The following SEMA5A variants were observed in gnomAD, a reference collection of about 807,000 sequenced individuals.
SEMA5A encodes semaphorin-5A.
Under a neutral mutation model 135.5 loss-of-function variants are expected in SEMA5A, and 55 were observed. The observed-to-expected ratio is 0.41, with a 90% CI of 0.33 to 0.51. The LOEUF is 0.51. Among genes scored for constraint, SEMA5A ranks in the 20% least tolerant of loss-of-function variants. SEMA5A has a pLI of 0.37. For missense variants in SEMA5A, 1,290 were observed against 1,419.9 expected (o/e 0.91, Z 1.47); for synonymous variants, 580 against 546.5 (o/e 1.06, Z -0.85).
chr5:9,274,151 C>A (rs1230913482), intron 5 of SEMA5A, among the ~76,000 whole-genome samples: 1 of 152,020 alleles, frequency 6.6e-6, no homozygotes, highest in African/African-American at 2.4e-5. Context: ...GAAAATTTAC[C>A]AAGCAAATGG....
chr5:9,395,044 C>A (rs546611240), intron 2 of SEMA5A, among the ~76,000 whole-genome samples: 157 of 152,008 alleles, frequency 1.0e-3, no homozygotes, highest in African/African-American at 3.4e-3. Context: ...AAATATAATT[C>A]TATATTAAAT....
At chr5:9,288,596 A>G (rs571939994) in intron 5 of SEMA5A, among the ~76,000 whole-genome samples, 1 of 152,360 alleles carries the variant, frequency 6.6e-6, no homozygotes, top group South Asian at 2.1e-4. Context: ...ATAAAACAGG[A>G]GAAAATAAAT....
At chr5:9,153,853 C>T (rs2150258389) in intron 12 of SEMA5A, among the ~76,000 whole-genome samples, 1 of 151,474 alleles carries the variant, frequency 6.6e-6, no homozygotes, top group Admixed American at 6.6e-5. Context: ...CAAGACCAGC[C>T]TGGCCAACAT....
chr5:9,109,028 ATTTTTTTTTTTTTT>A (rs67762219), intron 15 of SEMA5A, among the ~76,000 whole-genome samples: 1 of 92,438 alleles, frequency 1.1e-5, no homozygotes, highest in Non-Finnish European at 2.0e-5. Context: ...TTTCTCTTCA[ATTTTTTTTTTTTTT>A]TTTTTTTTTT....
intron 1 of SEMA5A, among the ~76,000 whole-genome samples, chr5:9,503,229 C>G (rs1175989135): frequency 6.6e-6 from 1 of 152,170 alleles, no homozygotes; most frequent in African/African-American, 2.4e-5. Flanking sequence ...TCTTCACCCC[C>G]CAGGAGGAAG....
chr5:9,481,882 G>GCA (rs1303347386), intron 1 of SEMA5A, among the ~76,000 whole-genome samples: 2 of 152,090 alleles, frequency 1.3e-5, no homozygotes, highest in African/African-American at 4.8e-5. Flanking sequence ...GATTTCTTAT[G>GCA]CACACACACA....
rs557983928 is a variant in SEMA5A, at chr5:9,074,097, A to T, written c.2074-7451T>A. ...GACATACTTTCTAACTTCAGGATTC[A>T]TTATAAAGGTACAATAATCAAGATT... On this transcript the variant is annotated intron_variant, in intron 16 of 22. Transcript: ENST00000382496. Among the ~76,000 whole-genome samples, 12 of 152,296 alleles carry T rather than the reference A, an allele frequency of 7.9e-5. No homozygotes were observed. In the South Asian group the frequency reaches 2.5e-3, roughly 32 times the overall value.
At chr5:9,231,180 G>A (rs771640344) in intron 6 of SEMA5A, among the ~76,000 whole-genome samples, 5 of 152,094 alleles carry the variant, frequency 3.3e-5, no homozygotes, top group Non-Finnish European at 5.9e-5. Context: ...AAAAGGAAAT[G>A]AGTGGCTGGG....
At chr5:9,517,424 A>C (rs953484156) in intron 1 of SEMA5A, 2 of 152,216 alleles carry the variant, frequency 1.3e-5, no homozygotes, top group Non-Finnish European at 2.9e-5. Flanking sequence ...TGGAAACAGA[A>C]ATGCAGACTC....
At chr5:9,129,331 T>C (rs542323175) in intron 13 of SEMA5A, among the ~76,000 whole-genome samples, 3 of 152,388 alleles carry the variant, frequency 2.0e-5, no homozygotes, top group South Asian at 2.1e-4. Context: ...TTTCTGGCCA[T>C]GGCCGGAGTA....
At chr5:9,407,703 C>A (rs182727425) in intron 2 of SEMA5A, among the ~76,000 whole-genome samples, 3 of 152,262 alleles carry the variant, frequency 2.0e-5, no homozygotes, top group Admixed American at 6.5e-5. Flanking sequence ...TTCCTCAGTC[C>A]CCAGCTACCC....
chr5:9,210,446 T>C (rs182906387), intron 8 of SEMA5A, among the ~76,000 whole-genome samples: 1 of 152,214 alleles, frequency 6.6e-6, no homozygotes, highest in South Asian at 2.1e-4. Flanking sequence ...ACAGCCCCAG[T>C]TTATTGCACC....
rs1488219561 is a variant in SEMA5A, at chr5:9,288,511, AG to A, written c.270+29860del. Among the ~76,000 whole-genome samples the A allele has an allele frequency of 4.6e-5, 7 of 152,312 alleles. No homozygotes were observed. The South Asian group carries it at 1.2e-3, about 27-fold the overall frequency. ...ATGACAGCAGTCATAGAAGCTTCCC[AG>A]TACAGAGGCAGAAACAGACGCTGGG... is the stretch of plus-strand genomic sequence containing the variant. On this transcript the variant is annotated intron_variant, in intron 5 of 22. Transcript: ENST00000382496.
At position 9,062,930 on chromosome 5, in the gene SEMA5A, G is replaced by T. The variant is rs748107036; in HGVS notation, c.2475C>A (p.Gly825=). 2 of 1,614,218 alleles carry T rather than the reference G, an allele frequency of 1.2e-6. No individual in the cohort carries two copies. Among genetic ancestry groups the T allele is most frequent in the South Asian group, 2.2e-5 (2 of 91,090 alleles). The change falls in exon 18 of 23, where the codon GGC becomes GGA. Residue 825 remains glycine (G), a synonymous_variant. Coordinates refer to ENST00000382496, the MANE Select transcript of SEMA5A (RefSeq NM_003966.3). ...TGCATTCCTGGTATTCCAGAGATGG[G>T]CCAAGGCAAGGCATTCCCCCATACT... ...EPKYGGMPCL[G]PSLEYQECNI...
At chr5:9,207,045 C>A (rs1389006070) in intron 8 of SEMA5A, among the ~76,000 whole-genome samples, 1 of 137,288 alleles carries the variant, frequency 7.3e-6, no homozygotes, top group African/African-American at 2.7e-5. Flanking sequence ...CTCTCAATGT[C>A]CCTTGGAATA....
intron 5 of SEMA5A, among the ~76,000 whole-genome samples, chr5:9,311,231 C>T (rs1752116984): frequency 6.6e-6 from 1 of 151,988 alleles, no homozygotes; most frequent in South Asian, 2.1e-4. Flanking sequence ...GCTTCCCCCA[C>T]CAGTTGTGAC....
At position 9,319,830 on chromosome 5, in the gene SEMA5A, C is replaced by T. The variant is rs193215575; in HGVS notation, c.225-1413G>A. On this transcript the variant is annotated intron_variant, in intron 4 of 22. Transcript: ENST00000382496. ...TGTTGACTATTTTCACTATCGTGGG[C>T]GGGGGGTGGGGGTAGGTATATAAAC... Among the ~76,000 whole-genome samples the T allele has an allele frequency of 1.1e-3, 118 of 106,166 alleles. No homozygotes were observed. The East Asian group carries it at 0.022, about 20-fold the overall frequency. The allele number at this position is 106,166 out of a possible 152,430, so 69.6% of individuals were successfully genotyped here. A position where few individuals can be genotyped will look rare whatever the true frequency, so the allele number is the denominator to read the frequency against.
At chr5:9,090,858 A>C (rs554464224) in intron 16 of SEMA5A, among the ~76,000 whole-genome samples, 1 of 152,174 alleles carries the variant, frequency 6.6e-6, no homozygotes, top group East Asian at 1.9e-4. Flanking sequence ...CTTTACCCTA[A>C]GATAGTTACG....
intron 20 of SEMA5A, 37 bp downstream of exon 20, chr5:9,051,833 AAAT>A: frequency 1.2e-6 from 2 of 1,612,760 alleles, no homozygotes; most frequent in Non-Finnish European, 1.7e-6. Flanking sequence ...TCCATGTTGG[AAAT>A]GATTTTATTC....
Sources: gnomAD v4.1 joint callset for allele counts (sites outside exome capture counted in the v4.1 genomes callset) on GRCh38, gnomAD v4.1.1 for gene constraint, MANE v1.5 for transcripts, NCBI Gene and HGNC (gene_info 2026-07-23, HGNC 2026-07-21) for gene names.